Variants in CDYL2 observed in about 807,000 individuals in gnomAD.
The protein encoded by CDYL2 is chromodomain Y-like protein 2.
CDYL2 carries 23 observed loss-of-function variants against 49.4 expected under a neutral mutation model. That is an observed-to-expected ratio of 0.47 (90% confidence interval 0.34 to 0.66). The LOEUF (loss-of-function observed/expected upper bound fraction) is 0.66, where lower values mean the gene tolerates loss of function less well. Among genes scored for constraint, CDYL2 ranks in the 30% least tolerant of loss-of-function variants. CDYL2 has a pLI of 0.01. For synonymous variants in CDYL2, 360 were observed against 268.8 expected, an observed-to-expected ratio of 1.34 and a Z score of -3.32; for missense variants, 678 against 656.4, an observed-to-expected ratio of 1.03 and a Z score of -0.36.
rs375859933 is a variant in CDYL2 at position 80,724,720 on chromosome 16, G to T, written c.25-39591C>A. 3.9e-5 allele frequency among the ~76,000 whole-genome samples: 6 copies of T among 152,278 alleles called. 1 individual carries two copies. The highest frequency in any genetic ancestry group is 9.6e-5 in the African/African-American group (4 of 41,558). Reference sequence around the variant, plus strand: ...ATTTCTTTCTATAGTTCACAGTCAAGAAAGTTTGAAAGTCATGACACTAAC... The same window carrying T: ...ATTTCTTTCTATAGTTCACAGTCAATAAAGTTTGAAAGTCATGACACTAAC... On this transcript the variant is annotated intron_variant, in intron 1 of 6. Transcript: ENST00000570137.
chr16:80,633,691 T>C (rs1340644167), intron 2 of CDYL2, among the ~76,000 whole-genome samples: 2 of 151,758 alleles, frequency 1.3e-5, no homozygotes, highest in Non-Finnish European at 2.9e-5. Context: ...TTATTTAATA[T>C]GAGAACCAGA....
chr16:80,645,446 T>C (rs374488691), intron 2 of CDYL2, among the ~76,000 whole-genome samples: 13 of 152,102 alleles, frequency 8.5e-5, no homozygotes, highest in East Asian at 7.7e-4. Context: ...TACCATCTCA[T>C]GCCAGTTAGA....
rs1490922089 is a variant in CDYL2, at chr16:80,745,514, T to TA, written c.24+58635dup. Among the ~76,000 whole-genome samples, 6 of 152,208 alleles carry TA rather than the reference T, an allele frequency of 3.9e-5. 1 individual carries two copies. Among genetic ancestry groups the TA allele is most frequent in the Admixed American group, 3.9e-4 (6 of 15,284 alleles). On this transcript the variant is annotated intron_variant, in intron 1 of 6. Coordinates refer to ENST00000570137, the MANE Select transcript of CDYL2 (RefSeq NM_152342.4). ...TTCTGTGCCTTCAATTCCTCATCCC[T>TA]AAAAAGAATATAAAAACAGTACCCC...
intron 1 of CDYL2, among the ~76,000 whole-genome samples, chr16:80,750,109 C>A (rs1567594478): frequency 6.6e-6 from 1 of 151,964 alleles, no homozygotes; most frequent in African/African-American, 2.4e-5. Flanking sequence ...GGGGGAGGGA[C>A]AACATTAGGA....
chr16:80,706,857 G>A, intron 1 of CDYL2, among the ~76,000 whole-genome samples: 1 of 152,220 alleles, frequency 6.6e-6, no homozygotes, highest in East Asian at 1.9e-4. Flanking sequence ...CATGAGAACA[G>A]AGGTAGATAT....
chr16:80,685,958 A>T (rs1452824828), intron 1 of CDYL2, among the ~76,000 whole-genome samples: 2 of 152,244 alleles, frequency 1.3e-5, no homozygotes, highest in African/African-American at 4.8e-5. Context: ...ACAGAGGCAC[A>T]GCTAGGAGGC....
chr16:80,603,489 G>A lies in CDYL2; in HGVS notation c.*899C>T, dbSNP rs1173754945. 1 of 152,210 alleles carries A rather than the reference G, an allele frequency of 6.6e-6. No homozygotes were observed. Among genetic ancestry groups the A allele is most frequent in the Non-Finnish European group, 1.5e-5 (1 of 68,026 alleles). The allele number at this position is 152,210 out of a possible 1,614,324, so 9.4% of individuals were successfully genotyped here. On this transcript the variant is annotated 3_prime_UTR_variant, in exon 7 of 7. Coordinates refer to ENST00000570137, the MANE Select transcript of CDYL2 (RefSeq NM_152342.4). Reference sequence around the variant, plus strand: ...GAGAACCGTTTTACACAGAGGTGCAGCGCTATTCCTTTTGTCCACAGAAAT... The same window carrying A: ...GAGAACCGTTTTACACAGAGGTGCAACGCTATTCCTTTTGTCCACAGAAAT...
At chr16:80,659,472 G>A (rs2142432309) in intron 2 of CDYL2, among the ~76,000 whole-genome samples, 1 of 152,140 alleles carries the variant, frequency 6.6e-6, no homozygotes. Flanking sequence ...ACTACATTGT[G>A]TTTACTTAAA....
chr16:80,641,295 G>C (rs1191902697), intron 2 of CDYL2, among the ~76,000 whole-genome samples: 1 of 152,110 alleles, frequency 6.6e-6, no homozygotes, highest in Admixed American at 6.6e-5. Context: ...GGCCAGGAGA[G>C]AATGGCATGA....
rs1285168621 is a variant in CDYL2, at chr16:80,682,753, AC to A, written c.616+1784del. ...CCTTCCTGAGACAGGGAACTCCGCC[AC>A]CGCCAGCAGCCGTCACAGCAACATC... On this transcript the variant is annotated intron_variant, in intron 2 of 6. Transcript: ENST00000570137. Among the ~76,000 whole-genome samples the A allele has an allele frequency of 2.0e-5, 3 of 152,130 alleles. No homozygotes were observed. The East Asian group carries it at 5.8e-4, about 29-fold the overall frequency.
chr16:80,661,336 C>T (rs1218768981), intron 2 of CDYL2, among the ~76,000 whole-genome samples: 1 of 152,170 alleles, frequency 6.6e-6, no homozygotes, highest in South Asian at 2.1e-4. Context: ...TCTACACCTG[C>T]CCCCACAACA....
chr16:80,605,605 T>A (rs1906297219), intron 6 of CDYL2, among the ~76,000 whole-genome samples: 1 of 151,032 alleles, frequency 6.6e-6, no homozygotes, highest in Admixed American at 6.6e-5. Flanking sequence ...AGTAATCATA[T>A]TAATGAACAA....
intron 2 of CDYL2, among the ~76,000 whole-genome samples, chr16:80,675,001 T>C (rs1909684697): frequency 6.6e-6 from 1 of 152,214 alleles, no homozygotes. Flanking sequence ...TGTATGTACA[T>C]GCATACATGT....
chr16:80,795,300 G>C (rs926913352), intron 1 of CDYL2, among the ~76,000 whole-genome samples: 2 of 152,182 alleles, frequency 1.3e-5, no homozygotes, highest in African/African-American at 4.8e-5. Flanking sequence ...AATCAATGTG[G>C]TGATTGATCA....
intron 5 of CDYL2, among the ~76,000 whole-genome samples, chr16:80,610,631 A>G (rs922481348): frequency 6.6e-6 from 1 of 152,088 alleles, no homozygotes; most frequent in African/African-American, 2.4e-5. Flanking sequence ...ACATAAACAG[A>G]GTTTAGTCAC....
At chr16:80,763,545 G>A (rs1171420206) in intron 1 of CDYL2, among the ~76,000 whole-genome samples, 1 of 152,070 alleles carries the variant, frequency 6.6e-6, no homozygotes, top group Non-Finnish European at 1.5e-5. Context: ...CCAGAAGGCA[G>A]AGGTTGCCGT....
intron 2 of CDYL2, among the ~76,000 whole-genome samples, chr16:80,649,618 C>A (rs1908498975): frequency 6.6e-6 from 1 of 151,868 alleles, no homozygotes; most frequent in Admixed American, 6.6e-5. Context: ...TAGAAAAATA[C>A]AAAATTTATA....
Position 80,622,828 on chromosome 16 carries a change from T to G in CDYL2, c.835-1893A>C, listed in dbSNP as rs567582455. Among the ~76,000 whole-genome samples the G allele has an allele frequency of 2.4e-3, 363 of 152,312 alleles. 1 individual carries two copies. The highest frequency in any genetic ancestry group is 4.1e-3 in the Non-Finnish European group (280 of 68,028). On this transcript the variant is annotated intron_variant, in intron 3 of 6. Transcript: ENST00000570137. Reference sequence around the variant, plus strand: ...ACTGTGTTTGCGCTCTTCAAAGGCATGCAGCCCGGCTATTCAGCTCCTCAT... The same window carrying G: ...ACTGTGTTTGCGCTCTTCAAAGGCAGGCAGCCCGGCTATTCAGCTCCTCAT...
intron 1 of CDYL2, among the ~76,000 whole-genome samples, chr16:80,752,071 T>A (rs1417813808): frequency 6.6e-6 from 1 of 151,954 alleles, no homozygotes; most frequent in Non-Finnish European, 1.5e-5. Context: ...TTAAAATAAC[T>A]GTGAAATAGA....
Sources: allele counts gnomAD v4.1 joint callset (sites outside exome capture counted in the v4.1 genomes callset), GRCh38; gene constraint gnomAD v4.1.1; transcripts MANE v1.5; gene names NCBI Gene and HGNC (gene_info 2026-07-23, HGNC 2026-07-21).